FSTL4: variants seen among roughly 807,000 people sequenced by gnomAD.
FSTL4 encodes the protein follistatin like 4.
A neutral mutation model predicts 78.2 loss-of-function variants in FSTL4; 28 were observed. The ratio of observed to expected loss-of-function variants is 0.36; its 90% confidence interval spans 0.27 to 0.49. The LOEUF (loss-of-function observed/expected upper bound fraction) is 0.49, where lower values mean the gene tolerates loss of function less well. Ranked by LOEUF, FSTL4 falls within the 20% of genes least tolerant of loss-of-function variation. FSTL4 has a pLI of 0.98. For synonymous variants in FSTL4, 422 were observed against 440.5 expected (o/e 0.96, Z 0.53); for missense variants, 922 against 1,084.9 (o/e 0.85, Z 2.11).
intron 4 of FSTL4, among the ~76,000 whole-genome samples, chr5:133,322,542 T>G (rs889818553): frequency 2.6e-5 from 4 of 152,142 alleles, no homozygotes; most frequent in African/African-American, 9.7e-5. Context: ...AAGGGTTCAC[T>G]CATGAGTGGG....
At chr5:133,495,647 C>G (rs529140406) in intron 3 of FSTL4, among the ~76,000 whole-genome samples, 1 of 152,122 alleles carries the variant, frequency 6.6e-6, no homozygotes, top group East Asian at 1.9e-4. Flanking sequence ...ATGATGAGCC[C>G]ATGCTCTGCT....
At chr5:133,696,946 G>A in the FSTL4 span, among the ~76,000 whole-genome samples, 10 of 152,248 alleles carry the variant, frequency 6.6e-5, no homozygotes, top group Non-Finnish European at 1.3e-4. Flanking sequence ...AAGCTTGCCT[G>A]TAGGAGAGGA....
chr5:133,449,498 G>T (rs991672488), intron 3 of FSTL4, among the ~76,000 whole-genome samples: 62 of 152,346 alleles, frequency 4.1e-4, no homozygotes, highest in African/African-American at 1.4e-3. Flanking sequence ...TGTGGCTGGG[G>T]TTGGGGCCTG....
chr5:133,806,416 G>C, the FSTL4 span, among the ~76,000 whole-genome samples: 1 of 152,126 alleles, frequency 6.6e-6, no homozygotes, highest in Non-Finnish European at 1.5e-5. Flanking sequence ...TTATCACCTT[G>C]CAAATGAAAT....
At chr5:133,237,173 C>T (rs1009702342) in intron 7 of FSTL4, among the ~76,000 whole-genome samples, 9 of 152,182 alleles carry the variant, frequency 5.9e-5, no homozygotes, top group African/African-American at 2.2e-4. Context: ...TCTCAAGTCT[C>T]GTCCCCACTT....
intron 3 of FSTL4, among the ~76,000 whole-genome samples, chr5:133,550,919 CT>C (rs760378297): frequency 6.2e-4 from 95 of 152,204 alleles, no homozygotes; most frequent in Non-Finnish European, 1.2e-3. Flanking sequence ...TTTTCTTGTC[CT>C]TTTATATAGT....
chr5:133,507,475 A>G (rs1285252727), intron 3 of FSTL4, among the ~76,000 whole-genome samples: 1 of 151,612 alleles, frequency 6.6e-6, no homozygotes, highest in Non-Finnish European at 1.5e-5. Flanking sequence ...GGCCCTCTGG[A>G]TCTGCGGGTT....
chr5:133,642,772 T>C, the FSTL4 span, among the ~76,000 whole-genome samples: 2 of 152,174 alleles, frequency 1.3e-5, no homozygotes, highest in African/African-American at 4.8e-5. Flanking sequence ...AGAAAAATAA[T>C]AAGAAATTTA....
intron 6 of FSTL4, among the ~76,000 whole-genome samples, chr5:133,291,991 G>T (rs1291047267): frequency 6.6e-6 from 1 of 152,188 alleles, no homozygotes. Flanking sequence ...TCCTACCTTG[G>T]TTACAACTGT....
the FSTL4 span, among the ~76,000 whole-genome samples, chr5:133,821,416 G>A: frequency 6.6e-6 from 1 of 152,238 alleles, no homozygotes; most frequent in Non-Finnish European, 1.5e-5. Flanking sequence ...CAGCCCCAGT[G>A]ACCACATGTC....
chr5:133,349,797 T>C (rs1754783016), intron 4 of FSTL4, among the ~76,000 whole-genome samples: 1 of 136,586 alleles, frequency 7.3e-6, no homozygotes, highest in Non-Finnish European at 1.5e-5. Flanking sequence ...AAAGGACCCA[T>C]AGGATGGACT....
intron 5 of FSTL4, among the ~76,000 whole-genome samples, chr5:133,315,998 G>C (rs1023913860): frequency 2.0e-5 from 3 of 152,218 alleles, no homozygotes; most frequent in Non-Finnish European, 4.4e-5. Flanking sequence ...GCAGGGCTTG[G>C]TGGGGGTTGA....
At chr5:133,572,528 C>G (rs1461434871) in intron 2 of FSTL4, among the ~76,000 whole-genome samples, 1 of 151,722 alleles carries the variant, frequency 6.6e-6, no homozygotes, top group Non-Finnish European at 1.5e-5. Flanking sequence ...ACACTAAGAG[C>G]AATACTTTAT....
intron 6 of FSTL4, among the ~76,000 whole-genome samples, chr5:133,301,370 C>T (rs1753534399): frequency 6.6e-6 from 1 of 152,174 alleles, no homozygotes; most frequent in Non-Finnish European, 1.5e-5. Flanking sequence ...CCAGATGCCT[C>T]TCATGGCATC....
chr5:133,411,939 G>A (rs547735574), intron 3 of FSTL4, among the ~76,000 whole-genome samples: 16 of 151,788 alleles, frequency 1.1e-4, no homozygotes, highest in Non-Finnish European at 1.9e-4. Context: ...GTGAAAAACG[G>A]AAAAACCACC....
the FSTL4 span, among the ~76,000 whole-genome samples, chr5:133,661,520 C>T: frequency 6.6e-6 from 1 of 152,184 alleles, no homozygotes; most frequent in African/African-American, 2.4e-5. Context: ...GATGTAGTGT[C>T]AGCATTAAAC....
At chr5:133,765,862 C>G in the FSTL4 span, among the ~76,000 whole-genome samples, 1 of 152,188 alleles carries the variant, frequency 6.6e-6, no homozygotes, top group African/African-American at 2.4e-5. Flanking sequence ...AAGGAAGAGA[C>G]AGCTGAATTC....
chr5:133,737,602 CTT>C, the FSTL4 span, among the ~76,000 whole-genome samples: 4,313 of 117,450 alleles, frequency 0.037, 139 homozygotes, highest in African/African-American at 0.13. Context: ...GGCTGATTTC[CTT>C]TTTTTTTTTT....
the FSTL4 span, among the ~76,000 whole-genome samples, chr5:133,776,799 C>G: frequency 3.3e-5 from 5 of 152,188 alleles, no homozygotes. Context: ...CAAGGTAGGT[C>G]TCTAACCCAG....
Sources: gnomAD v4.1 joint callset for allele counts (sites outside exome capture counted in the v4.1 genomes callset) on GRCh38, gnomAD v4.1.1 for gene constraint, MANE v1.5 for transcripts, NCBI Gene and HGNC (gene_info 2026-07-23, HGNC 2026-07-21) for gene names.